AGTPBP1: variants seen among roughly 807,000 people sequenced by gnomAD.
AGTPBP1 encodes ATP/GTP binding carboxypeptidase 1, also known as cytosolic carboxypeptidase 1.
A neutral mutation model predicts 143.9 loss-of-function variants in AGTPBP1; 70 were observed. That is an observed-to-expected ratio of 0.49 (90% confidence interval 0.40 to 0.59). The LOEUF (loss-of-function observed/expected upper bound fraction) is 0.59, where lower values mean the gene tolerates loss of function less well. Ranked by LOEUF, AGTPBP1 falls within the 20% of genes least tolerant of loss-of-function variation. The pLI is 0.00. For missense variants in AGTPBP1, 1,229 were observed against 1,464.5 expected (o/e 0.84, Z 2.62); for synonymous variants, 463 against 500.2 (o/e 0.93, Z 0.99).
At chr9:85,624,345 T>G (rs1343534742) in intron 14 of AGTPBP1, among the ~76,000 whole-genome samples, 11 of 152,174 alleles carry the variant, frequency 7.2e-5, no homozygotes, top group Non-Finnish European at 1.0e-4. Context: ...TTACCAGTAG[T>G]GTAACTCAAC....
intron 2 of AGTPBP1, 132 bp downstream of exon 2, chr9:85,712,370 C>T (rs897633624): frequency 8.9e-6 from 4 of 447,322 alleles, no homozygotes; most frequent in Non-Finnish European, 1.5e-5. Flanking sequence ...CATTAATAAA[C>T]ATTTTTAATT....
chr9:85,795,806 G>A, the AGTPBP1 span, among the ~76,000 whole-genome samples: 2 of 149,888 alleles, frequency 1.3e-5, no homozygotes, highest in African/African-American at 2.5e-5. Flanking sequence ...TGTTTTTTAT[G>A]GCTGTGACTA....
At chr9:85,796,219 C>T in the AGTPBP1 span, among the ~76,000 whole-genome samples, 3 of 152,018 alleles carry the variant, frequency 2.0e-5, no homozygotes, top group African/African-American at 7.3e-5. Context: ...AGAGTGATTC[C>T]ACAGTAGTGT....
intron 1 of AGTPBP1, among the ~76,000 whole-genome samples, chr9:85,729,891 T>G (rs1838765965): frequency 6.6e-6 from 1 of 152,130 alleles, no homozygotes; most frequent in African/African-American, 2.4e-5. Flanking sequence ...TAAAAGTTAT[T>G]TCACAGCTCC....
In AGTPBP1 at chr9:85,741,427, T is replaced by C. The variant is rs182405238; in HGVS notation, c.-34+348A>G. On this transcript the variant is annotated intron_variant, in intron 1 of 25. Coordinates refer to ENST00000357081, the MANE Select transcript of AGTPBP1 (RefSeq NM_001330701.2). ...CTGGACTCCCCGCGGCGCCGCGAGC[T>C]CGGGCCCGAGAGAAAGGGCTGAGCA... is the stretch of plus-strand genomic sequence containing the variant. The C allele has an allele frequency of 3.1e-6, 3 of 983,216 alleles. No individual in the cohort carries two copies. In the African/African-American group the frequency reaches 5.3e-5, roughly 17 times the overall value. 60.9% of individuals were successfully genotyped at this position (983,216 alleles called of 1,614,324 possible).
At chr9:85,790,966 A>G in the AGTPBP1 span, among the ~76,000 whole-genome samples, 2 of 152,218 alleles carry the variant, frequency 1.3e-5, no homozygotes, top group African/African-American at 2.4e-5. Context: ...TAACTAAAGT[A>G]GAAAAGGAAT....
intron 14 of AGTPBP1, among the ~76,000 whole-genome samples, chr9:85,631,006 T>C (rs552888354): frequency 6.6e-6 from 1 of 152,300 alleles, no homozygotes; most frequent in South Asian, 2.1e-4. Flanking sequence ...AGTCAACCCA[T>C]TGCCACTGTG....
At chr9:85,561,730 T>C (rs10868324) in intron 25 of AGTPBP1, among the ~76,000 whole-genome samples, 28,166 of 151,994 alleles carry the variant, frequency 0.19, 3,387 homozygotes, top group East Asian at 0.51. Context: ...ACTCATAGTA[T>C]CTGAAAGTAT....
rs771496042 is a variant in AGTPBP1 at position 85,669,581 on chromosome 9, G to A, written c.569-3C>T. ...CCCTAAGGATACTGAATTCACAGCT[G>A]AGAGGGGGAGAAAGAGATGCAAAAT... On this transcript the variant is annotated splice_polypyrimidine_tract_variant and splice_region_variant and intron_variant, in intron 7 of 25. Coordinates refer to ENST00000357081, the MANE Select transcript of AGTPBP1 (RefSeq NM_001330701.2). The A allele has an allele frequency of 3.1e-6, 5 of 1,601,880 alleles. No homozygotes were observed. The highest frequency in any genetic ancestry group is 1.3e-5 in the African/African-American group (1 of 74,564).
At chr9:85,767,360 T>G in the AGTPBP1 span, among the ~76,000 whole-genome samples, 1 of 149,784 alleles carries the variant, frequency 6.7e-6, no homozygotes, top group Non-Finnish European at 1.5e-5. Flanking sequence ...TTTTTTTTTT[T>G]TTTTTTGAGA....
At chr9:85,646,241 ATATT>A in intron 12 of AGTPBP1, 76 bp downstream of exon 12, 1 of 880,598 alleles carries the variant, frequency 1.1e-6, no homozygotes, top group South Asian at 1.5e-5. Context: ...AATTACATAT[ATATT>A]TATTTACCCA....
intron 4 of AGTPBP1, 29 bp downstream of exon 4, chr9:85,681,239 T>C (rs927149286): frequency 1.9e-6 from 3 of 1,600,106 alleles, no homozygotes; most frequent in Non-Finnish European, 2.6e-6. Flanking sequence ...CATTAGTAGT[T>C]ACATAATTAA....
intron 17 of AGTPBP1, among the ~76,000 whole-genome samples, chr9:85,596,828 T>C (rs539415981): frequency 6.6e-6 from 1 of 152,250 alleles, no homozygotes; most frequent in East Asian, 1.9e-4. Context: ...TACACTAAAA[T>C]TAATGGGAAA....
At chr9:85,718,891 C>A (rs369878843) in intron 1 of AGTPBP1, among the ~76,000 whole-genome samples, 55 of 152,106 alleles carry the variant, frequency 3.6e-4, no homozygotes, top group East Asian at 2.1e-3. Flanking sequence ...ACATATGGCT[C>A]GCCAGTTTTC....
intron 21 of AGTPBP1, 74 bp downstream of exon 21, chr9:85,588,224 T>A: frequency 3.2e-6 from 4 of 1,250,436 alleles, no homozygotes; most frequent in Non-Finnish European, 4.2e-6. Context: ...AACCTGGACA[T>A]TGTTATTTCA....
At chr9:85,746,755 CA>C (rs913903529), upstream of AGTPBP1, among the ~76,000 whole-genome samples, 6 of 144,382 alleles carry the variant, frequency 4.2e-5, no homozygotes, top group East Asian at 2.0e-4. Flanking sequence ...ACTCTTACCA[CA>C]AAAAAAAAAC....
the AGTPBP1 span, among the ~76,000 whole-genome samples, chr9:85,799,781 G>C: frequency 1.3e-4 from 20 of 152,262 alleles, no homozygotes; most frequent in African/African-American, 4.8e-4. Context: ...GCCTCCTAAA[G>C]TGTTGGGATT....
chr9:85,625,304 A>G (rs1831200785), intron 14 of AGTPBP1, among the ~76,000 whole-genome samples: 1 of 152,236 alleles, frequency 6.6e-6, no homozygotes, highest in African/African-American at 2.4e-5. Context: ...TCTTTCAATT[A>G]ATGTATGAGA....
rs546849719 is a variant in AGTPBP1 at position 85,567,523 on chromosome 9, C to T, written c.3503+7792G>A. 3.9e-4 allele frequency among the ~76,000 whole-genome samples: 59 copies of T among 152,186 alleles called. No individual in the cohort carries two copies. The South Asian group carries it at 0.012, about 31-fold the overall frequency. ...AGAAGAATCGCTTGAGCCTGGGAGG[C>T]AGAGGTTGCAGTGAGTCGAGATCGC... On this transcript the variant is annotated intron_variant, in intron 25 of 25. Transcript: ENST00000357081.
Sources: gnomAD v4.1 joint callset for allele counts (sites outside exome capture counted in the v4.1 genomes callset) on GRCh38, gnomAD v4.1.1 for gene constraint, MANE v1.5 for transcripts, NCBI Gene and HGNC (gene_info 2026-07-23, HGNC 2026-07-21) for gene names.